Variants in EFCAB6 observed in about 807,000 individuals in gnomAD.
The protein encoded by EFCAB6 is EF-hand calcium binding domain 6, also known as EF-hand calcium-binding domain-containing protein 6.
Under a neutral mutation model 169.8 loss-of-function variants are expected in EFCAB6, and 156 were observed. The ratio of observed to expected loss-of-function variants is 0.92; its 90% CI spans 0.81 to 1.05. The LOEUF (loss-of-function observed/expected upper bound fraction) is 1.05, where lower values mean the gene tolerates loss of function less well. Among genes scored for constraint, EFCAB6 ranks in the 50% least tolerant of loss-of-function variants. The pLI, the probability that EFCAB6 is intolerant of heterozygous loss-of-function variation, is 0.00. For missense variants in EFCAB6, 1,800 were observed against 1,829.1 expected (o/e 0.98, Z 0.29); for synonymous variants, 698 against 676.4 (o/e 1.03, Z -0.50).
At chr22:43,808,841 C>T (rs1387731695) in intron 2 of EFCAB6, among the ~76,000 whole-genome samples, 154 bp downstream of exon 2, 3 of 152,146 alleles carry the variant, frequency 2.0e-5, no homozygotes, top group Non-Finnish European at 4.4e-5. Flanking sequence ...ATCCCCAATG[C>T]TTAGGCAGGG....
chr22:43,572,947 A>C lies in EFCAB6; in HGVS notation c.3420+3350T>G, dbSNP rs1170930724. ...CGATGGAATGGCACATGCTAGATGG[A>C]ATCCATGCTTTAGAGGAAAATGAAG... On this transcript the variant is annotated intron_variant, in intron 26 of 31. Coordinates refer to ENST00000262726, the MANE Select transcript of EFCAB6 (RefSeq NM_022785.4). This position sits in a 1 kb window ranked among gnomAD's most constrained non-coding sequence, Gnocchi z 4.0. Among the ~76,000 whole-genome samples, 1 of 152,226 alleles carries C rather than the reference A, an allele frequency of 6.6e-6. No individual in the cohort carries two copies. Among genetic ancestry groups the C allele is most frequent in the African/African-American group, 2.4e-5 (1 of 41,462 alleles).
At chr22:43,695,720 T>C (rs2058552492) in intron 10 of EFCAB6, among the ~76,000 whole-genome samples, 1 of 152,072 alleles carries the variant, frequency 6.6e-6, no homozygotes, top group Non-Finnish European at 1.5e-5. Context: ...AGTAATTCAT[T>C]GGAGAAGGGG....
chr22:43,621,458 T>C (rs921367185), intron 20 of EFCAB6, among the ~76,000 whole-genome samples: 1 of 152,040 alleles, frequency 6.6e-6, no homozygotes, highest in Admixed American at 6.6e-5. Flanking sequence ...AATCCATGGA[T>C]CCAAGAGGAA....
At chr22:43,735,717 T>C (rs2060110639) in intron 7 of EFCAB6, 140 bp downstream of exon 7, 1 of 1,006,804 alleles carries the variant, frequency 9.9e-7, no homozygotes, top group Non-Finnish European at 1.5e-6. Flanking sequence ...GTCCAGTGAG[T>C]GCCTCTTTGA....
intron 26 of EFCAB6, among the ~76,000 whole-genome samples, chr22:43,559,191 AG>A (rs1196581487): frequency 2.0e-5 from 3 of 152,246 alleles, no homozygotes; most frequent in African/African-American, 7.2e-5. Context: ...CCCATCAAAA[AG>A]TGGGCAAAGG....
chr22:43,643,376 A>G (rs755920825), intron 17 of EFCAB6, among the ~76,000 whole-genome samples: 8 of 152,268 alleles, frequency 5.3e-5, no homozygotes, highest in Non-Finnish European at 1.0e-4. Flanking sequence ...GCACTGGAAG[A>G]AATAACAGAG....
chr22:43,786,520 G>T (rs1236209037), intron 2 of EFCAB6, among the ~76,000 whole-genome samples: 1 of 151,842 alleles, frequency 6.6e-6, no homozygotes, highest in Non-Finnish European at 1.5e-5. Context: ...AGGAGATCAA[G>T]ACCATCCTGG....
At chr22:43,646,554 C>T (rs1273790151) in intron 17 of EFCAB6, among the ~76,000 whole-genome samples, 1 of 151,852 alleles carries the variant, frequency 6.6e-6, no homozygotes, top group African/African-American at 2.4e-5. Context: ...GGATGTAGAC[C>T]CTAGCATAAT....
intron 24 of EFCAB6, among the ~76,000 whole-genome samples, chr22:43,589,243 C>T (rs569395846): frequency 1.3e-3 from 147 of 110,412 alleles, no homozygotes; most frequent in Middle Eastern, 0.014. Context: ...GGTGTAACCC[C>T]GTGTTACCAT....
intron 18 of EFCAB6, 138 bp from the exon 19 acceptor site, chr22:43,632,376 T>C (rs2055037696): frequency 9.6e-6 from 12 of 1,244,252 alleles, no homozygotes; most frequent in Admixed American, 8.2e-5. Flanking sequence ...CTCAGCTCAC[T>C]GCAACCTCCA....
chr22:43,546,508 G>T (rs1440323227), intron 27 of EFCAB6, among the ~76,000 whole-genome samples: 1 of 152,192 alleles, frequency 6.6e-6, no homozygotes, highest in Non-Finnish European at 1.5e-5. Flanking sequence ...TTAAAAAATT[G>T]AGAGGAAATC....
chr22:43,784,558 CACATATATATGTGTACATAT>C lies in EFCAB6; in HGVS notation c.-7-2253_-7-2234del, dbSNP rs1569487231. On this transcript the variant is annotated intron_variant, in intron 2 of 31. Transcript: ENST00000262726. ...GTGTGTGTGTGTATATGTATATATA[CACATATATATGTGTACATAT>C]ACACATATATATGTATATATACACA... 3.0e-4 allele frequency among the ~76,000 whole-genome samples: 25 copies of C among 84,274 alleles called. 1 individual carries two copies. Among genetic ancestry groups the C allele is most frequent in the African/African-American group, 1.3e-3 (24 of 18,442 alleles). The allele number at this position is 84,274 out of a possible 152,430, so 55.3% of individuals were successfully genotyped here.
intron 3 of EFCAB6, among the ~76,000 whole-genome samples, 181 bp downstream of exon 3, chr22:43,781,999 G>C (rs2061837307): frequency 6.6e-6 from 1 of 152,098 alleles, no homozygotes; most frequent in Admixed American, 6.6e-5. Context: ...TAGGCAAATA[G>C]CTTAATCAAT....
chr22:43,605,538 G>C (rs1176762075), intron 22 of EFCAB6, among the ~76,000 whole-genome samples: 1 of 152,152 alleles, frequency 6.6e-6, no homozygotes, highest in Non-Finnish European at 1.5e-5. Context: ...AGCTACTTGG[G>C]AGGCTGAGAC....
At chr22:43,626,755 G>A in intron 19 of EFCAB6, 76 bp from the exon 20 acceptor site, 2 of 1,395,258 alleles carry the variant, frequency 1.4e-6, no homozygotes, top group South Asian at 1.2e-5. Context: ...CCCACGTGTA[G>A]AGCCTCATCT....
chr22:43,782,458 G>T, intron 2 of EFCAB6, 133 bp from the exon 3 acceptor site: 1 of 741,886 alleles, frequency 1.3e-6, no homozygotes, highest in Middle Eastern at 2.4e-4. Context: ...AATCTGCTTT[G>T]CTGATGTTTC....
rs376352912 is a variant in EFCAB6, at chr22:43,661,707, C to A, written c.1983+5397G>T. On this transcript the variant is annotated intron_variant, in intron 17 of 31. Transcript: ENST00000262726. ...AGCTCTGCCTCCACCAGGAGGCATGCGTCCACTCAGCATGCTGTCCTTCCT... is the reference window on the plus strand; with the variant it reads ...AGCTCTGCCTCCACCAGGAGGCATGAGTCCACTCAGCATGCTGTCCTTCCT... Among the ~76,000 whole-genome samples, 88 of 152,342 alleles carry A rather than the reference C, an allele frequency of 5.8e-4. No homozygotes were observed. The South Asian group carries it at 0.014, about 24-fold the overall frequency.
chr22:43,784,589 A>ATGTGTATATATACACATATATATG (rs377683689), intron 2 of EFCAB6, among the ~76,000 whole-genome samples: 7 of 40,210 alleles, frequency 1.7e-4, no homozygotes, highest in South Asian at 1.2e-3. Flanking sequence ...ACACATATAT[A>ATGTGTATATATACACATATATATG]TGTATATATA....
intron 5 of EFCAB6, among the ~76,000 whole-genome samples, chr22:43,759,022 A>G (rs1353120531): frequency 6.6e-6 from 1 of 152,224 alleles, no homozygotes; most frequent in Admixed American, 6.5e-5. Context: ...CAGGAGTTCG[A>G]CACCAGCCTG....
Sources: allele counts gnomAD v4.1 joint callset (sites outside exome capture counted in the v4.1 genomes callset), GRCh38; gene constraint gnomAD v4.1.1; non-coding constraint Gnocchi (gnomAD v3.1); transcripts MANE v1.5; gene names NCBI Gene and HGNC (gene_info 2026-07-23, HGNC 2026-07-21).